Variants in DPP6 observed in about 807,000 individuals in gnomAD.
DPP6 encodes the protein A-type potassium channel modulatory protein DPP6.
DPP6 carries 69 observed loss-of-function variants against 122.6 expected under a neutral mutation model. That is an observed-to-expected ratio of 0.56 (90% CI 0.46 to 0.69). DPP6 has a LOEUF of 0.69. Ranked by LOEUF, DPP6 falls within the 30% of genes least tolerant of loss-of-function variation. The pLI is 0.00. For synonymous variants in DPP6, 418 were observed against 433.1 expected (o/e 0.97, Z 0.43); for missense variants, 928 against 1,116.9 (o/e 0.83, Z 2.41).
rs1585675937 is a variant in DPP6, at chr7:154,225,711, CTG to C, written c.243+172649_243+172650del. ...TTTACCTATTCTATCGATAAATAGC[CTG>C]ATATTTAAAGAACAGAGACATTTAC... On this transcript the variant is annotated intron_variant, in intron 1 of 25. Coordinates refer to ENST00000377770, the MANE Select transcript of DPP6 (RefSeq NM_130797.4). 4.6e-5 allele frequency among the ~76,000 whole-genome samples: 7 copies of C among 151,978 alleles called. No individual in the cohort carries two copies. The East Asian group carries it at 1.4e-3, about 30-fold the overall frequency.
At chr7:154,071,165 G>C (rs1803095707) in intron 1 of DPP6, among the ~76,000 whole-genome samples, 1 of 152,136 alleles carries the variant, frequency 6.6e-6, no homozygotes, top group Admixed American at 6.5e-5. Flanking sequence ...TATTCATACT[G>C]GTTGTATTTT....
chr7:154,266,833 T>C (rs949179995), intron 1 of DPP6, among the ~76,000 whole-genome samples: 1 of 152,202 alleles, frequency 6.6e-6, no homozygotes, highest in Non-Finnish European at 1.5e-5. Context: ...CATAATGATA[T>C]CAAGATGTTA....
chr7:154,336,967 A>G (rs1585982249), intron 1 of DPP6, among the ~76,000 whole-genome samples: 1 of 152,192 alleles, frequency 6.6e-6, no homozygotes, highest in African/African-American at 2.4e-5. Context: ...CCCGGCAGGG[A>G]CAACCCTGTC....
At chr7:154,165,938 C>A (rs1309514489) in intron 1 of DPP6, among the ~76,000 whole-genome samples, 2 of 152,322 alleles carry the variant, frequency 1.3e-5, no homozygotes, top group East Asian at 3.9e-4. Context: ...TACCATAAAA[C>A]ACTCAGTTTA....
chr7:153,989,076 G>A (rs1457902199), intron 1 of DPP6, among the ~76,000 whole-genome samples: 2 of 150,800 alleles, frequency 1.3e-5, no homozygotes, highest in Non-Finnish European at 2.9e-5. Flanking sequence ...TTCAGGGACA[G>A]CGCCCGCGAG....
At chr7:154,362,255 G>A (rs1031309770) in intron 1 of DPP6, among the ~76,000 whole-genome samples, 1 of 152,178 alleles carries the variant, frequency 6.6e-6, no homozygotes, top group Non-Finnish European at 1.5e-5. Context: ...CTGTGGCTTC[G>A]CTCAGGAAAG....
chr7:154,140,013 C>T (rs567636821), intron 1 of DPP6, among the ~76,000 whole-genome samples: 3 of 152,206 alleles, frequency 2.0e-5, no homozygotes, highest in South Asian at 4.2e-4. Flanking sequence ...AGGAGTAGCC[C>T]GTGGGAAGAT....
intron 16 of DPP6, among the ~76,000 whole-genome samples, chr7:154,830,391 T>G (rs1800540091): frequency 6.6e-6 from 1 of 152,226 alleles, no homozygotes; most frequent in East Asian, 1.9e-4. Flanking sequence ...GGGGGCAGTT[T>G]GGTCCAACAA....
intron 3 of DPP6, among the ~76,000 whole-genome samples, chr7:154,496,544 C>T (rs751627044): frequency 3.9e-5 from 6 of 152,184 alleles, no homozygotes; most frequent in South Asian, 2.1e-4. Flanking sequence ...GGCATGCGCC[C>T]GTGGCTAGAC....
At chr7:154,111,039 G>A (rs113212777) in intron 1 of DPP6, among the ~76,000 whole-genome samples, 327 of 152,310 alleles carry the variant, frequency 2.1e-3, no homozygotes, top group Non-Finnish European at 3.7e-3. Context: ...GGGAGGTTCT[G>A]TTCATTCTGA....
intron 12 of DPP6, among the ~76,000 whole-genome samples, chr7:154,800,094 G>A (rs1178813720): frequency 2.0e-5 from 3 of 152,170 alleles, no homozygotes; most frequent in East Asian, 1.9e-4. Context: ...GCTACCCGCC[G>A]CACAGTTGGC....
At chr7:154,763,122 A>G (rs985159239) in intron 8 of DPP6, among the ~76,000 whole-genome samples, 2 of 152,220 alleles carry the variant, frequency 1.3e-5, no homozygotes, top group Non-Finnish European at 2.9e-5. Context: ...ACCCGAGGTC[A>G]GGAGTTTGAG....
intron 1 of DPP6, among the ~76,000 whole-genome samples, chr7:153,894,900 A>G (rs904189351): frequency 6.6e-6 from 1 of 152,202 alleles, no homozygotes; most frequent in African/African-American, 2.4e-5. Context: ...AAAATATGCA[A>G]TCAAGTCTTG....
Position 154,704,666 on chromosome 7 carries a change from C to G in DPP6, c.763-23101C>G, listed in dbSNP as rs184434124. On this transcript the variant is annotated intron_variant, in intron 7 of 25. Transcript: ENST00000377770. ...CAAAAAGACGATGACTCACCGAAGG[C>G]TTAGATGATTGTTAGCATTTTTTAG... Among the ~76,000 whole-genome samples the G allele has an allele frequency of 8.5e-5, 13 of 152,350 alleles. No homozygotes were observed. In the East Asian group the frequency reaches 2.5e-3, roughly 29 times the overall value.
intron 1 of DPP6, among the ~76,000 whole-genome samples, chr7:154,425,604 ATGTGTGTGTGTGTGTGG>A (rs1817822318): frequency 1.6e-4 from 20 of 128,282 alleles, no homozygotes; most frequent in African/African-American, 6.8e-4. Flanking sequence ...GGGGAAAAAA[ATGTGTGTGTGTGTGTGG>A]GTGTGTGTGT....
intron 7 of DPP6, among the ~76,000 whole-genome samples, chr7:154,687,681 G>A (rs911517247): frequency 2.6e-5 from 4 of 152,108 alleles, no homozygotes; most frequent in African/African-American, 9.7e-5. Flanking sequence ...TCTTTGGCAG[G>A]AAGATACATT....
At position 154,801,230 on chromosome 7, in the gene DPP6, T is replaced by G. The variant is rs80108418; in HGVS notation, c.1300-125T>G. ...GACGGCCTCATCAAGCACTTATTATTTCAACTGTTCCTCTCCTTAGAAATC... is the reference window on the plus strand; with the variant it reads ...GACGGCCTCATCAAGCACTTATTATGTCAACTGTTCCTCTCCTTAGAAATC... On this transcript the variant is annotated intron_variant, in intron 12 of 25. Coordinates refer to ENST00000377770, the MANE Select transcript of DPP6 (RefSeq NM_130797.4). The G allele has an allele frequency of 1.4e-3, 1,851 of 1,362,066 alleles. 21 individuals carry two copies. The African/African-American group carries it at 0.024, about 18-fold the overall frequency. The allele number at this position is 1,362,066 out of a possible 1,614,324, so 84.4% of individuals were successfully genotyped here. A position where few individuals can be genotyped will look rare whatever the true frequency, so the allele number is the denominator to read the frequency against.
chr7:154,724,941 T>G (rs949956309), intron 7 of DPP6, among the ~76,000 whole-genome samples: 1 of 152,232 alleles, frequency 6.6e-6, no homozygotes, highest in Non-Finnish European at 1.5e-5. Context: ...ATGCATATTT[T>G]ATCAGAACAG....
At chr7:154,355,710 G>GC (rs1811221280) in intron 1 of DPP6, among the ~76,000 whole-genome samples, 1 of 152,140 alleles carries the variant, frequency 6.6e-6, no homozygotes, top group Non-Finnish European at 1.5e-5. Flanking sequence ...TGTTCCCCTG[G>GC]TTTGTTTACC....
Sources: gnomAD v4.1 joint callset for allele counts (sites outside exome capture counted in the v4.1 genomes callset) on GRCh38, gnomAD v4.1.1 for gene constraint, MANE v1.5 for transcripts, NCBI Gene and HGNC (gene_info 2026-07-23, HGNC 2026-07-21) for gene names.